LRP2: variants seen among roughly 807,000 people sequenced by gnomAD.
The protein encoded by LRP2 is low-density lipoprotein receptor-related protein 2.
A neutral mutation model predicts 531.0 loss-of-function variants in LRP2; 172 were observed. That is an observed-to-expected ratio of 0.32 (90% CI 0.29 to 0.37). The LOEUF is 0.37. Among genes scored for constraint, LRP2 ranks in the 10% least tolerant of loss-of-function variants. The pLI is 1.00. For missense variants in LRP2, 5,167 were observed against 5,868.3 expected (o/e 0.88, Z 3.90); for synonymous variants, 1,992 against 2,027.6 (o/e 0.98, Z 0.47).
intron 1 of LRP2, among the ~76,000 whole-genome samples, chr2:169,326,658 C>T (rs1481170116): frequency 2.0e-5 from 3 of 151,942 alleles, no homozygotes; most frequent in Admixed American, 6.5e-5. Flanking sequence ...AAGTGAGGAG[C>T]GTCTCTGCCT....
chr2:169,361,742 C>A (rs1489385659), intron 1 of LRP2, among the ~76,000 whole-genome samples: 1 of 152,224 alleles, frequency 6.6e-6, no homozygotes, highest in East Asian at 1.9e-4. Context: ...CCCTCAGCCA[C>A]TCTCTCGGCC....
intron 50 of LRP2, among the ~76,000 whole-genome samples, chr2:169,183,701 C>T (rs927229793): frequency 2.0e-5 from 3 of 152,084 alleles, no homozygotes; most frequent in East Asian, 1.9e-4. Flanking sequence ...GAAGATATTC[C>T]GTCTCCACTA....
chr2:169,229,160 C>A (rs974949812), intron 31 of LRP2, among the ~76,000 whole-genome samples: 3 of 152,124 alleles, frequency 2.0e-5, no homozygotes, highest in Admixed American at 6.5e-5. Context: ...GGGGTAGGCA[C>A]AGAATCATCT....
intron 28 of LRP2, 85 bp downstream of exon 28, chr2:169,237,003 TTGCATATCAGCAACA>T: frequency 1.0e-6 from 1 of 991,136 alleles, no homozygotes; most frequent in Non-Finnish European, 1.6e-6. Flanking sequence ...ATTTTAAATT[TTGCATATCAGCAACA>T]TGCATATCAG....
chr2:169,137,443 G>T lies in LRP2; in HGVS notation c.13569C>A (p.Asn4523Lys). 1 of 1,614,018 alleles carries T rather than the reference G, an allele frequency of 6.2e-7. No homozygotes were observed. Among genetic ancestry groups the T allele is most frequent in the East Asian group, 2.2e-5 (1 of 44,880 alleles). ...CACTGTCTCTGGCTGAGTACATTGG[G>T]TTTTCAAATATTATGGGCTGCTTCC... ...EMGKQPIIFE[N>K]PMYSARDSAV... Residue 4523 changes from asparagine to lysine, a missense_variant, in exon 76 of 79, where the codon AAC becomes AAA. This residue lies in a region of LRP2 where 348 missense variants were observed against 369.3 expected (regional missense o/e 0.94). Transcript: ENST00000649046.
At chr2:169,308,492 G>A (rs568998030) in intron 3 of LRP2, among the ~76,000 whole-genome samples, 15 of 152,212 alleles carry the variant, frequency 9.9e-5, no homozygotes, top group East Asian at 3.9e-4. Flanking sequence ...CTGTCCTTGC[G>A]ATAGTTTGCT....
In LRP2 at chr2:169,175,203, A is replaced by G. The variant is rs1390824988; in HGVS notation, c.10758T>C (p.Arg3586=). 14 of 1,614,122 alleles carry G rather than the reference A, an allele frequency of 8.7e-6. No homozygotes were observed. The highest frequency in any genetic ancestry group is 4.5e-5 in the East Asian group (2 of 44,882). Reference sequence around the variant, plus strand: ...AGCGACTCAACACACCACAAAGAAGACGGTCTTCATCAGACCCATCAGGGC... The same window carrying G: ...AGCGACTCAACACACCACAAAGAAGGCGGTCTTCATCAGACCCATCAGGGC... The part of the protein sequence containing the change: ...QNCPDGSDED[R]LLCENHHCDS... The change falls in exon 55 of 79, where the codon CGT becomes CGC. Residue 3586 remains arginine (R), a synonymous_variant. Coordinates refer to ENST00000649046, the MANE Select transcript of LRP2 (RefSeq NM_004525.3).
chr2:169,166,130 G>A (rs2105267703), intron 61 of LRP2, 76 bp from the exon 62 acceptor site: 8 of 1,489,440 alleles, frequency 5.4e-6, no homozygotes, highest in South Asian at 4.6e-5. Flanking sequence ...ATACTCCAGT[G>A]TCAGCACCAG....
In LRP2 at chr2:169,201,714, T is replaced by C. The variant is rs1688208400; in HGVS notation, c.8366A>G (p.Asn2789Ser). The C allele has an allele frequency of 6.2e-7, 1 of 1,614,240 alleles. No homozygotes were observed. The highest frequency in any genetic ancestry group is 8.5e-7 in the Non-Finnish European group (1 of 1,180,046). The change falls in exon 44 of 79, where the codon AAT becomes AGT. Residue 2789 changes from asparagine to serine, a missense_variant. Transcript: ENST00000649046. Reference sequence around the variant, plus strand: ...CTCACGAGGTATGCACCTTCTGTTATTGCACATAAACTCCGTGGTGGCATT... The same window carrying C: ...CTCACGAGGTATGCACCTTCTGTTACTGCACATAAACTCCGTGGTGGCATT... ...DCNATTEFMCNNRRCIPREFI... is the reference protein window; with the variant it reads ...DCNATTEFMCSNRRCIPREFI...
At chr2:169,240,775 A>C in intron 25 of LRP2, 2 of 614,408 alleles carry the variant, frequency 3.3e-6, no homozygotes, top group South Asian at 4.3e-5. Context: ...AAGAAGTAAA[A>C]ACACATAACC....
At chr2:169,171,870 A>G in intron 58 of LRP2, 145 bp downstream of exon 58, 1 of 966,482 alleles carries the variant, frequency 1.0e-6, no homozygotes, top group Admixed American at 1.9e-5. Flanking sequence ...GTAGAAATGT[A>G]CTGACCAGCA....
chr2:169,323,589 A>T (rs1002491234), intron 1 of LRP2, among the ~76,000 whole-genome samples: 2 of 151,890 alleles, frequency 1.3e-5, no homozygotes, highest in South Asian at 4.1e-4. Flanking sequence ...CAAAAGTTTT[A>T]TCTAGATATT....
chr2:169,258,719 T>TCA lies in LRP2; in HGVS notation c.2513+304_2513+305dup, dbSNP rs573002066. 1.1e-4 allele frequency among the ~76,000 whole-genome samples: 16 copies of TCA among 152,228 alleles called. No homozygotes were observed. In the East Asian group the frequency reaches 3.1e-3, roughly 29 times the overall value. On this transcript the variant is annotated intron_variant, in intron 17 of 78. Coordinates refer to ENST00000649046, the MANE Select transcript of LRP2 (RefSeq NM_004525.3). ...CTTTCCTGTTAATTCTGTTGCCTAT[T>TCA]CACTCCTTTTCTACTGAATCTATAT...
chr2:169,211,888 A>G, intron 37 of LRP2, 80 bp downstream of exon 37: 1 of 1,569,738 alleles, frequency 6.4e-7, no homozygotes, highest in Non-Finnish European at 8.8e-7. Context: ...TCCACACATG[A>G]AGAAATGTTT....
Position 169,168,611 on chromosome 2 carries a change from T to C in LRP2, c.11563A>G (p.Ile3855Val), listed in dbSNP as rs780412281. 1.2e-6 allele frequency: 2 copies of C among 1,614,104 alleles called. No homozygotes were observed. Among genetic ancestry groups the C allele is most frequent in the Non-Finnish European group, 1.7e-6 (2 of 1,179,988 alleles). Residue 3855 changes from isoleucine (I) to valine (V), a missense_variant, in exon 61 of 79, where the codon ATC becomes GTC. Transcript: ENST00000649046. ...CCATCACATTTCCAATATGGCGGGA[T>C]ACAAACATGGTTTTTGCATTCGAAC... ...TMFECKNHVC[I>V]PPYWKCDGDD...
chr2:169,193,428 C>CAA (rs1166288828), intron 47 of LRP2, among the ~76,000 whole-genome samples: 1,536 of 62,206 alleles, frequency 0.025, 36 homozygotes, highest in South Asian at 0.13. Flanking sequence ...AAGACCTTGT[C>CAA]AAAAAAAAAA....
At chr2:169,138,750 C>A (rs947199592) in intron 74 of LRP2, 44 bp from the exon 75 acceptor site, 9 of 1,611,370 alleles carry the variant, frequency 5.6e-6, no homozygotes, top group South Asian at 2.2e-5. Flanking sequence ...TTTAAAACAA[C>A]AACAACAAAA....
At position 169,343,228 on chromosome 2, in the gene LRP2, G is replaced by T. The variant is rs1685611774; in HGVS notation, c.79+19093C>A. Among the ~76,000 whole-genome samples the T allele has an allele frequency of 2.6e-5, 4 of 152,306 alleles. No homozygotes were observed. In the South Asian group the frequency reaches 8.3e-4, roughly 32 times the overall value. ...GAACTTCTTGGCAACTTTACATTTG[G>T]ATCTGTGCCTTCAAGACCTGGGAGG... On this transcript the variant is annotated intron_variant, in intron 1 of 78. Coordinates refer to ENST00000649046, the MANE Select transcript of LRP2 (RefSeq NM_004525.3).
intron 22 of LRP2, among the ~76,000 whole-genome samples, chr2:169,243,727 A>T (rs759668999): frequency 3.3e-5 from 5 of 152,246 alleles, no homozygotes; most frequent in Non-Finnish European, 5.9e-5. Flanking sequence ...TAAAAAGATT[A>T]CAGGGCAGAG....
Sources: gnomAD v4.1 joint callset for allele counts (sites outside exome capture counted in the v4.1 genomes callset) on GRCh38, gnomAD v4.1.1 for gene constraint, gnomAD v4.1.1 regional missense constraint, MANE v1.5 for transcripts, NCBI Gene and HGNC (gene_info 2026-07-23, HGNC 2026-07-21) for gene names.